RCSD1: variants seen among roughly 807,000 people sequenced by gnomAD.
RCSD1 encodes the protein RCSD domain containing 1.
Under a neutral mutation model 42.5 loss-of-function variants are expected in RCSD1, and 26 were observed. That is an observed-to-expected ratio of 0.61 (90% CI 0.45 to 0.85). The LOEUF is 0.85. Ranked by LOEUF, RCSD1 falls within the 40% of genes least tolerant of loss-of-function variation. The pLI, the probability that RCSD1 is intolerant of heterozygous loss-of-function variation, is 0.00. For synonymous variants in RCSD1, 220 were observed against 212.2 expected (o/e 1.04, Z -0.32); for missense variants, 571 against 528.3 (o/e 1.08, Z -0.79).
chr1:167,691,622 A>T (rs1220515476), intron 4 of RCSD1, among the ~76,000 whole-genome samples: 3 of 152,246 alleles, frequency 2.0e-5, no homozygotes, highest in African/African-American at 2.4e-5. Flanking sequence ...AAGGCATCAG[A>T]GGTGTCAAGA....
chr1:167,671,128 G>T (rs895294967), intron 1 of RCSD1, among the ~76,000 whole-genome samples: 3 of 152,130 alleles, frequency 2.0e-5, no homozygotes, highest in Non-Finnish European at 2.9e-5. Context: ...AATCCCTAGC[G>T]CCTGGCCTAG....
chr1:167,705,762 G>A lies in RCSD1; in HGVS notation c.*1066G>A, dbSNP rs980304718. The A allele has an allele frequency of 4.6e-5, 7 of 152,168 alleles. No individual in the cohort carries two copies. Among genetic ancestry groups the A allele is most frequent in the Admixed American group, 3.9e-4 (6 of 15,276 alleles). The allele number at this position is 152,168 out of a possible 1,614,324, so 9.4% of individuals were successfully genotyped here. On this transcript the variant is annotated 3_prime_UTR_variant, in exon 7 of 7. Coordinates refer to ENST00000367854, the MANE Select transcript of RCSD1 (RefSeq NM_052862.4). The stretch of plus-strand genomic sequence containing the variant: ...GGGGTCTTTAGTCTCTTCTTATTGG[G>A]TAGCTCTTGCTTTAATATTCTGTTT...
At chr1:167,680,072 T>C (rs1243113811) in intron 1 of RCSD1, among the ~76,000 whole-genome samples, 1 of 152,046 alleles carries the variant, frequency 6.6e-6, no homozygotes, top group East Asian at 1.9e-4. Flanking sequence ...CCGAGTTACC[T>C]GGCATGGCCC....
rs891910952 is a variant in RCSD1, at chr1:167,630,395, G to A, written c.-29G>A. 17 of 1,514,848 alleles carry A rather than the reference G, an allele frequency of 1.1e-5. No homozygotes were observed. The highest frequency in any genetic ancestry group is 1.5e-5 in the Non-Finnish European group (17 of 1,127,796). 93.8% of individuals were successfully genotyped at this position (1,514,848 alleles called of 1,614,324 possible). A position where few individuals can be genotyped will look rare whatever the true frequency, so the allele number is the denominator to read the frequency against. Reference sequence around the variant, plus strand: ...AGCTCCGGCCCGGGCGAGCGGGTGCGTCTGCCGCAGAGTCGGCACCTGAAG... The same window carrying A: ...AGCTCCGGCCCGGGCGAGCGGGTGCATCTGCCGCAGAGTCGGCACCTGAAG... On this transcript the variant is annotated 5_prime_UTR_variant, in exon 1 of 7. Transcript: ENST00000367854.
chr1:167,636,042 A>C (rs544236967), intron 1 of RCSD1, among the ~76,000 whole-genome samples: 5 of 152,174 alleles, frequency 3.3e-5, no homozygotes, highest in Admixed American at 2.0e-4. Context: ...CCAGACCCGA[A>C]TGAACACTGT....
chr1:167,682,783 G>GA (rs144997239), intron 1 of RCSD1, among the ~76,000 whole-genome samples: 3,871 of 152,006 alleles, frequency 0.025, 177 homozygotes, highest in African/African-American at 0.09. Flanking sequence ...GGGAAAGGCA[G>GA]GATGGACTTT....
chr1:167,693,454 A>T (rs966123346), intron 4 of RCSD1, among the ~76,000 whole-genome samples: 4 of 152,164 alleles, frequency 2.6e-5, no homozygotes, highest in African/African-American at 9.7e-5. Flanking sequence ...TGATACCCCA[A>T]GTGGTGGCTC....
At chr1:167,690,014 A>G (rs1184711175) in intron 3 of RCSD1, 35 bp from the exon 4 acceptor site, 17 of 1,607,438 alleles carry the variant, frequency 1.1e-5, no homozygotes, top group Non-Finnish European at 1.4e-5. Flanking sequence ...TCCTCACCTT[A>G]CTTATCTGGT....
chr1:167,659,576 C>A (rs901402764), intron 1 of RCSD1, among the ~76,000 whole-genome samples: 1 of 152,160 alleles, frequency 6.6e-6, no homozygotes, highest in Admixed American at 6.5e-5. Context: ...AACTGCAGAG[C>A]CAGGCGTGGG....
At chr1:167,646,424 C>T (rs1364179066) in intron 1 of RCSD1, among the ~76,000 whole-genome samples, 2 of 134,726 alleles carry the variant, frequency 1.5e-5, no homozygotes, top group Non-Finnish European at 1.5e-5. Flanking sequence ...GAGTTATAGC[C>T]GACCATAAGC....
chr1:167,667,887 C>T (rs1304571641), intron 1 of RCSD1, among the ~76,000 whole-genome samples: 2 of 152,136 alleles, frequency 1.3e-5, no homozygotes, highest in Non-Finnish European at 2.9e-5. Flanking sequence ...CATTTACCGG[C>T]ATTTACTGAG....
rs1320335164 is a variant in RCSD1, at chr1:167,694,216, G to A, written c.388G>A (p.Val130Met). 16 of 1,614,096 alleles carry A rather than the reference G, an allele frequency of 9.9e-6. No individual in the cohort carries two copies. The highest frequency in any genetic ancestry group is 1.4e-5 in the Non-Finnish European group (16 of 1,180,040). Residue 130 changes from valine to methionine, a missense_variant, in exon 5 of 7, where the codon GTG becomes ATG. Physicochemically the swap from Val to Met is conservative, Grantham distance 21. Coordinates refer to ENST00000367854, the MANE Select transcript of RCSD1 (RefSeq NM_052862.4). ...ACCTTCTACCCCCAGCAGCCCTGGT[G>A]TGCGATCTAGGCCCAGCGAGGCAGA... ...SPPSTPSSPGVRSRPSEAEEV... is the reference protein window; with the variant it reads ...SPPSTPSSPGMRSRPSEAEEV...
At position 167,630,606 on chromosome 1, in the gene RCSD1, C is replaced by G. The variant is rs888071945; in HGVS notation, c.6+177C>G. 1.3e-5 allele frequency: 7 copies of G among 556,016 alleles called. No homozygotes were observed. The Admixed American group carries it at 1.7e-4, about 14-fold the overall frequency. 34.4% of individuals were successfully genotyped at this position (556,016 alleles called of 1,614,324 possible). Reference sequence around the variant, plus strand: ...CTTGACCAACTCCGAAGGATCGTCCCTGGTCCCACCTAGGACACCCGGGTT... The same window carrying G: ...CTTGACCAACTCCGAAGGATCGTCCGTGGTCCCACCTAGGACACCCGGGTT... On this transcript the variant is annotated intron_variant, in intron 1 of 6. Coordinates refer to ENST00000367854, the MANE Select transcript of RCSD1 (RefSeq NM_052862.4).
At chr1:167,630,945 T>C (rs1657682217) in intron 1 of RCSD1, among the ~76,000 whole-genome samples, 2 of 152,200 alleles carry the variant, frequency 1.3e-5, no homozygotes, top group African/African-American at 4.8e-5. Context: ...TCCAGTTGTC[T>C]TCTTGCTTCT....
At chr1:167,701,921 C>T (rs55736016) in intron 6 of RCSD1, among the ~76,000 whole-genome samples, 1 of 152,122 alleles carries the variant, frequency 6.6e-6, no homozygotes, top group Non-Finnish European at 1.5e-5. Flanking sequence ...CATGTCTGTC[C>T]CAGGTCTTTC....
intron 1 of RCSD1, among the ~76,000 whole-genome samples, chr1:167,665,638 T>G (rs1316467038): frequency 1.3e-5 from 2 of 152,228 alleles, no homozygotes; most frequent in African/African-American, 4.8e-5. Flanking sequence ...TATTGTCAGT[T>G]CATTTTAATT....
chr1:167,672,040 G>A (rs1026673300), intron 1 of RCSD1, among the ~76,000 whole-genome samples: 2 of 152,036 alleles, frequency 1.3e-5, no homozygotes, highest in African/African-American at 2.4e-5. Context: ...ATGTCCTTCT[G>A]CAATCATAGC....
intron 1 of RCSD1, among the ~76,000 whole-genome samples, chr1:167,640,055 C>T (rs1657966887): frequency 6.6e-6 from 1 of 152,190 alleles, no homozygotes; most frequent in Admixed American, 6.5e-5. Context: ...AAATGGGAGA[C>T]TCAAAGAGAT....
At chr1:167,646,804 G>A (rs976087007) in intron 1 of RCSD1, among the ~76,000 whole-genome samples, 2 of 152,260 alleles carry the variant, frequency 1.3e-5, no homozygotes, top group South Asian at 2.1e-4. Context: ...CTGGGGCATC[G>A]CCCAAAACCT....
Sources: allele counts gnomAD v4.1 joint callset (sites outside exome capture counted in the v4.1 genomes callset), GRCh38; gene constraint gnomAD v4.1.1; transcripts MANE v1.5; gene names NCBI Gene and HGNC (gene_info 2026-07-23, HGNC 2026-07-21).